The following THSD7A variants were observed in gnomAD, a reference collection of about 807,000 sequenced individuals.
THSD7A encodes thrombospondin type-1 domain-containing protein 7A.
Under a neutral mutation model 231.3 loss-of-function variants are expected in THSD7A, and 96 were observed. The ratio of observed to expected loss-of-function variants is 0.41; its 90% CI spans 0.35 to 0.49. THSD7A has a LOEUF of 0.49. Ranked by LOEUF, THSD7A falls within the 20% of genes least tolerant of loss-of-function variation. The pLI is 0.05. For synonymous variants in THSD7A, 940 were observed against 743.3 expected (o/e 1.26, Z -4.30); for missense variants, 2,290 against 2,070.2 (o/e 1.11, Z -2.06).
At chr7:11,569,885 A>C (rs1790546493) in intron 4 of THSD7A, among the ~76,000 whole-genome samples, 1 of 152,206 alleles carries the variant, frequency 6.6e-6, no homozygotes, top group Non-Finnish European at 1.5e-5. Flanking sequence ...TACATGGATG[A>C]AACTAGGCTG....
At chr7:11,749,247 T>C (rs529541769) in intron 1 of THSD7A, among the ~76,000 whole-genome samples, 2 of 152,122 alleles carry the variant, frequency 1.3e-5, no homozygotes, top group African/African-American at 4.8e-5. Context: ...TTCAGTCTTA[T>C]GTACAAACAA....
At chr7:11,796,924 T>C (rs1199208786) in intron 1 of THSD7A, among the ~76,000 whole-genome samples, 2 of 152,118 alleles carry the variant, frequency 1.3e-5, no homozygotes, top group Non-Finnish European at 2.9e-5. Context: ...GAATTTCCGC[T>C]AAAGTATTTA....
intron 13 of THSD7A, among the ~76,000 whole-genome samples, chr7:11,437,550 G>A (rs191751262): frequency 1.1e-4 from 16 of 152,098 alleles, no homozygotes; most frequent in Admixed American, 7.2e-4. Context: ...AGCAATACTC[G>A]CTCTACCTAT....
chr7:11,551,892 G>A (rs552810317), intron 4 of THSD7A, among the ~76,000 whole-genome samples: 1 of 152,170 alleles, frequency 6.6e-6, no homozygotes, highest in South Asian at 2.1e-4. Flanking sequence ...ACATATGCAT[G>A]CATATGTTCA....
At chr7:11,407,555 A>G in intron 19 of THSD7A, 132 bp from the exon 20 acceptor site, 1 of 658,150 alleles carries the variant, frequency 1.5e-6, no homozygotes, top group South Asian at 1.9e-5. Context: ...TACCTGGAGG[A>G]CAAACATCCA....
intron 1 of THSD7A, among the ~76,000 whole-genome samples, chr7:11,770,203 G>A (rs1783177993): frequency 6.6e-6 from 1 of 151,864 alleles, no homozygotes; most frequent in African/African-American, 2.4e-5. Flanking sequence ...TATATTTAAA[G>A]ATCTATTTAA....
intron 1 of THSD7A, among the ~76,000 whole-genome samples, chr7:11,643,605 A>ACT (rs1562436248): frequency 8.2e-6 from 1 of 121,294 alleles, no homozygotes; most frequent in Non-Finnish European, 1.9e-5. Flanking sequence ...GCACGCGCGC[A>ACT]CACACACACA....
intron 9 of THSD7A, among the ~76,000 whole-genome samples, chr7:11,462,600 T>G (rs1379935627): frequency 1.3e-5 from 2 of 152,218 alleles, no homozygotes; most frequent in Non-Finnish European, 2.9e-5. Context: ...TTTATTTCTT[T>G]GTTATTCATT....
intron 1 of THSD7A, chr7:11,820,743 A>C: frequency 3.3e-6 from 4 of 1,202,418 alleles, no homozygotes; most frequent in Non-Finnish European, 1.2e-6. Flanking sequence ...TCTTCAGTGT[A>C]CTCTTCTGCT....
chr7:11,520,280 C>T (rs1469325364), intron 6 of THSD7A: 1 of 152,120 alleles, frequency 6.6e-6, no homozygotes, highest in Non-Finnish European at 1.5e-5. Flanking sequence ...AGTTCTTTGT[C>T]TGCAAAATGG....
chr7:11,406,921 A>G lies in THSD7A; in HGVS notation c.4051T>C (p.Cys1351Arg). The G allele has an allele frequency of 6.2e-7, 1 of 1,613,840 alleles. No individual in the cohort carries two copies. Among genetic ancestry groups the G allele is most frequent in the Non-Finnish European group, 8.5e-7 (1 of 1,179,824 alleles). Residue 1351 changes from cysteine to arginine, a missense_variant, in exon 21 of 28, where the codon TGC becomes CGC. Transcript: ENST00000423059. The surrounding 1 kb of genome is among the most constrained non-coding windows in gnomAD (Gnocchi z 4.7). ...TTGAGATTTGATACCTGCACTTGGCATGGAGACCACTGGCCATATTGCCAC... is the reference window on the plus strand; with the variant it reads ...TTGAGATTTGATACCTGCACTTGGCGTGGAGACCACTGGCCATATTGCCAC... ...YRWQYGQWSP[C>R]QVQEAQCGEG...
intron 1 of THSD7A, among the ~76,000 whole-genome samples, chr7:11,741,285 C>T (rs1375656064): frequency 6.6e-6 from 1 of 151,902 alleles, no homozygotes; most frequent in Middle Eastern, 3.2e-3. Flanking sequence ...TCAATAACCT[C>T]TGGCAGGAAA....
intron 1 of THSD7A, among the ~76,000 whole-genome samples, chr7:11,776,437 A>G (rs1783406956): frequency 6.6e-6 from 1 of 152,170 alleles, no homozygotes; most frequent in Non-Finnish European, 1.5e-5. Context: ...AAAAGCAAAT[A>G]AAAAAAGCCC....
rs1316574652 is a variant in THSD7A at position 11,528,169 on chromosome 7, A to G, written c.1822+13250T>C. On this transcript the variant is annotated intron_variant, in intron 6 of 27. Transcript: ENST00000423059. Reference sequence around the variant, plus strand: ...GGTGACAGAGTGAGACCCATTCTCTAAAATAAAATAAAATGTAGAAAACAA... The same window carrying G: ...GGTGACAGAGTGAGACCCATTCTCTGAAATAAAATAAAATGTAGAAAACAA... Among the ~76,000 whole-genome samples the G allele has an allele frequency of 3.3e-5, 5 of 152,054 alleles. No homozygotes were observed. The South Asian group carries it at 1.0e-3, about 32-fold the overall frequency.
At position 11,593,346 on chromosome 7, in the gene THSD7A, C is replaced by T. The variant is rs748684960; in HGVS notation, c.1179G>A (p.Arg393=). Residue 393 remains arginine, a synonymous_variant, in exon 3 of 28, where the codon AGG becomes AGA. Coordinates refer to ENST00000423059, the MANE Select transcript of THSD7A (RefSeq NM_015204.3). ...CCTTTTCACTGCCAATGGGAAACTG[C>T]CTGATGGTTCGTGTCCTTACACGAG... is the stretch of plus-strand genomic sequence containing the variant. ...AGTRVRTRTI[R]QFPIGSEKEC... 3.7e-6 allele frequency: 6 copies of T among 1,613,886 alleles called. No homozygotes were observed. The African/African-American group carries it at 5.3e-5, about 14-fold the overall frequency.
intron 14 of THSD7A, 83 bp from the exon 15 acceptor site, chr7:11,426,754 T>C: frequency 1.4e-6 from 2 of 1,405,586 alleles, no homozygotes; most frequent in Non-Finnish European, 1.9e-6. Flanking sequence ...GAAGAACACA[T>C]GGTAAGTTTC....
intron 4 of THSD7A, among the ~76,000 whole-genome samples, chr7:11,564,921 C>A (rs1407046454): frequency 2.0e-5 from 3 of 152,122 alleles, no homozygotes; most frequent in Non-Finnish European, 4.4e-5. Context: ...ATTTTTCTAA[C>A]AATTTCATCA....
chr7:11,439,766 G>A (rs1454901386), intron 13 of THSD7A, among the ~76,000 whole-genome samples: 1 of 152,026 alleles, frequency 6.6e-6, no homozygotes, highest in Non-Finnish European at 1.5e-5. Context: ...GCTAGCAGAG[G>A]TTGGTTTGGA....
chr7:11,551,589 T>G (rs1322695782), intron 4 of THSD7A, among the ~76,000 whole-genome samples: 1 of 152,124 alleles, frequency 6.6e-6, no homozygotes, highest in East Asian at 1.9e-4. Flanking sequence ...AACAAACATA[T>G]GAAAAATTGC....
Sources: gnomAD v4.1 joint callset for allele counts (sites outside exome capture counted in the v4.1 genomes callset) on GRCh38, gnomAD v4.1.1 for gene constraint, Gnocchi (gnomAD v3.1) non-coding constraint, MANE v1.5 for transcripts, NCBI Gene and HGNC (gene_info 2026-07-23, HGNC 2026-07-21) for gene names.